FAM78B: variants seen among roughly 807,000 people sequenced by gnomAD.
FAM78B encodes the protein family with sequence similarity 78 member B.
A neutral mutation model predicts 20.0 loss-of-function variants in FAM78B; 10 were observed. The ratio of observed to expected loss-of-function variants is 0.50; its 90% confidence interval spans 0.31 to 0.85. The LOEUF (loss-of-function observed/expected upper bound fraction) is 0.85. FAM78B is among the 40% of genes least tolerant of loss of function. FAM78B has a pLI of 0.05. For missense variants in FAM78B, 283 were observed against 345.0 expected, an observed-to-expected ratio of 0.82 and a Z score of 1.42; for synonymous variants, 135 against 132.8, an observed-to-expected ratio of 1.02 and a Z score of -0.12.
chr1:166,072,196 CCTTA>C (rs1454857566), intron 1 of FAM78B, among the ~76,000 whole-genome samples: 7 of 152,082 alleles, frequency 4.6e-5, no homozygotes, highest in African/African-American at 1.4e-4. Flanking sequence ...ATCTCAGCAC[CCTTA>C]CTATCACATG....
rs1656355741 is a variant in FAM78B, at chr1:166,165,906, G to C, written c.263+80C>G. 2.9e-5 allele frequency: 44 copies of C among 1,538,592 alleles called. No homozygotes were observed. The South Asian group carries it at 5.1e-4, about 18-fold the overall frequency. ...AGACGATGGGGACAGCAGTAGGAAGGAGCTGGGGAGGGGGGTCAAGGTGGC... is the reference window on the plus strand; with the variant it reads ...AGACGATGGGGACAGCAGTAGGAAGCAGCTGGGGAGGGGGGTCAAGGTGGC... On this transcript the variant is annotated intron_variant, in intron 1 of 1. Coordinates refer to ENST00000354422, the MANE Select transcript of FAM78B (RefSeq NM_001017961.5).
intron 2 of FAM78B, among the ~76,000 whole-genome samples, chr1:166,060,918 A>T (rs144322206): frequency 3.3e-5 from 5 of 152,368 alleles, no homozygotes; most frequent in African/African-American, 1.2e-4. Context: ...CAGGTCATTT[A>T]TATGTGTAAC....
At chr1:166,092,282 G>A (rs1240553906) in intron 1 of FAM78B, among the ~76,000 whole-genome samples, 1 of 152,166 alleles carries the variant, frequency 6.6e-6, no homozygotes, top group Non-Finnish European at 1.5e-5. Context: ...CCCTTGGATG[G>A]CAGAGCCACA....
intron 1 of FAM78B, among the ~76,000 whole-genome samples, chr1:166,148,668 C>T (rs909018714): frequency 7.2e-5 from 11 of 152,224 alleles, no homozygotes; most frequent in Non-Finnish European, 8.8e-5. Context: ...CTAATGGGAA[C>T]TCAACGGAAA....
intron 1 of FAM78B, among the ~76,000 whole-genome samples, chr1:166,090,146 C>T (rs1248773687): frequency 1.3e-5 from 2 of 152,184 alleles, no homozygotes; most frequent in Non-Finnish European, 2.9e-5. Context: ...CTCCCAGAGC[C>T]CTGTAATCTT....
chr1:166,101,703 A>G (rs552666866), intron 1 of FAM78B, among the ~76,000 whole-genome samples: 1 of 152,334 alleles, frequency 6.6e-6, no homozygotes, highest in South Asian at 2.1e-4. Context: ...GAAATATGGG[A>G]CTATGTGAAA....
intron 1 of FAM78B, among the ~76,000 whole-genome samples, chr1:166,072,752 G>T (rs139925174): frequency 6.6e-5 from 10 of 152,334 alleles, no homozygotes; most frequent in African/African-American, 2.4e-4. Context: ...TTGGAGGGCA[G>T]GTATTCCGAG....
In FAM78B at chr1:166,109,896, A is replaced by G. The variant is rs868804532; in HGVS notation, c.264-39133T>C. 6.8e-3 allele frequency among the ~76,000 whole-genome samples: 406 copies of G among 59,846 alleles called. 26 individuals are homozygous for G. Among genetic ancestry groups the G allele is most frequent in the African/African-American group, 0.019 (339 of 17,832 alleles). 39.3% of individuals were successfully genotyped at this position (59,846 alleles called of 152,430 possible). On this transcript the variant is annotated intron_variant, in intron 1 of 1. Transcript: ENST00000354422. ...TATATATATATGTATATATGTATAT[A>G]TATATATATATATATATATATATAA...
At chr1:166,074,620 A>G (rs1652194209) in intron 1 of FAM78B, among the ~76,000 whole-genome samples, 1 of 152,182 alleles carries the variant, frequency 6.6e-6, no homozygotes, top group Non-Finnish European at 1.5e-5. Flanking sequence ...CATACGACAA[A>G]GTGTTTTATT....
Position 166,069,811 on chromosome 1 carries a change from A to G in FAM78B, c.*430T>C, listed in dbSNP as rs768411542. ...TTTCCCCAGCACCCTCCAGTCAGACAGCAGGAGTCTGTCTTACGACCACCT... is the reference window on the plus strand; with the variant it reads ...TTTCCCCAGCACCCTCCAGTCAGACGGCAGGAGTCTGTCTTACGACCACCT... On this transcript the variant is annotated 3_prime_UTR_variant, in exon 2 of 2. Coordinates refer to ENST00000354422, the MANE Select transcript of FAM78B (RefSeq NM_001017961.5). The G allele has an allele frequency of 3.5e-5, 7 of 198,284 alleles. No individual in the cohort carries two copies. Among genetic ancestry groups the G allele is most frequent in the Non-Finnish European group, 5.5e-5 (6 of 109,228 alleles). 12.3% of individuals were successfully genotyped at this position (198,284 alleles called of 1,614,324 possible).
chr1:166,105,301 A>G (rs1653724078), intron 1 of FAM78B, among the ~76,000 whole-genome samples: 2 of 152,230 alleles, frequency 1.3e-5, no homozygotes, highest in African/African-American at 2.4e-5. Context: ...ATGGGCAAGG[A>G]CTTCATGTCT....
intron 1 of FAM78B, among the ~76,000 whole-genome samples, chr1:166,109,428 T>C (rs1382202822): frequency 6.6e-6 from 1 of 152,060 alleles, no homozygotes; most frequent in Admixed American, 6.6e-5. Flanking sequence ...TCACTAATGA[T>C]CAGGGAAATG....
intron 2 of FAM78B, among the ~76,000 whole-genome samples, chr1:166,064,236 C>T (rs1222205201): frequency 1.3e-5 from 2 of 152,282 alleles, no homozygotes; most frequent in Admixed American, 1.3e-4. Flanking sequence ...ATTTTACTTG[C>T]ACCCACACGG....
At chr1:166,161,170 T>G (rs1043076943) in intron 1 of FAM78B, among the ~76,000 whole-genome samples, 4 of 151,778 alleles carry the variant, frequency 2.6e-5, no homozygotes, top group Non-Finnish European at 5.9e-5. Context: ...TTTTTTTTTT[T>G]GAAACAGACT....
At chr1:166,088,869 A>G (rs1652948013) in intron 1 of FAM78B, among the ~76,000 whole-genome samples, 1 of 152,012 alleles carries the variant, frequency 6.6e-6, no homozygotes, top group Admixed American at 6.5e-5. Context: ...GTACTGGTAG[A>G]ATACCACCCA....
At chr1:166,154,826 G>C (rs1446051384) in intron 1 of FAM78B, 5 of 474,786 alleles carry the variant, frequency 1.1e-5, no homozygotes, top group Non-Finnish European at 2.2e-5. Flanking sequence ...CTGGGCTTCA[G>C]CGTCCCCATC....
intron 1 of FAM78B, among the ~76,000 whole-genome samples, chr1:166,105,309 T>A (rs1653724334): frequency 1.3e-5 from 2 of 152,100 alleles, no homozygotes; most frequent in Admixed American, 1.3e-4. Context: ...GGACTTCATG[T>A]CTAAAACACC....
intron 1 of FAM78B, among the ~76,000 whole-genome samples, chr1:166,159,915 G>A (rs75898989): frequency 0.027 from 4,069 of 152,304 alleles, 229 homozygotes; most frequent in Admixed American, 0.13. Context: ...TAAAGGCAAA[G>A]GGTCATCTCC....
At position 166,070,136 on chromosome 1, in the gene FAM78B, A is replaced by G; in HGVS notation, c.*105T>C. On this transcript the variant is annotated 3_prime_UTR_variant, in exon 2 of 2. Coordinates refer to ENST00000354422, the MANE Select transcript of FAM78B (RefSeq NM_001017961.5). ...TGGCTGCAAAGGCTGGCAAACCGAG[A>G]GGTCTGCTTTGGCTCAGAAACTCTG... is the stretch of plus-strand genomic sequence containing the variant. The G allele has an allele frequency of 7.1e-7, 1 of 1,400,400 alleles. No individual in the cohort carries two copies. The highest frequency in any genetic ancestry group is 9.3e-7 in the Non-Finnish European group (1 of 1,071,160). 86.7% of individuals were successfully genotyped at this position (1,400,400 alleles called of 1,614,324 possible).
Sources: allele counts gnomAD v4.1 joint callset (sites outside exome capture counted in the v4.1 genomes callset), GRCh38; gene constraint gnomAD v4.1.1; transcripts MANE v1.5; gene names NCBI Gene and HGNC (gene_info 2026-07-23, HGNC 2026-07-21).